The following BCAS4 variants were observed in gnomAD, a reference collection of about 807,000 sequenced individuals.
BCAS4 encodes the protein breast carcinoma-amplified sequence 4.
A neutral mutation model predicts 15.7 loss-of-function variants in BCAS4; 9 were observed. That is an observed-to-expected ratio of 0.57 (90% confidence interval 0.34 to 1.00). BCAS4 has a LOEUF of 1.00. Among genes scored for constraint, BCAS4 ranks in the 50% least tolerant of loss-of-function variants. The pLI is 0.02. For synonymous variants in BCAS4, 101 were observed against 99.5 expected (o/e 1.02, Z -0.09); for missense variants, 225 against 239.1 (o/e 0.94, Z 0.39).
At chr20:50,875,601 C>G (rs1265915538) in intron 4 of BCAS4, among the ~76,000 whole-genome samples, 1 of 79,282 alleles carries the variant, frequency 1.3e-5, no homozygotes, top group East Asian at 3.8e-4. Context: ...CTCATCTCTA[C>G]TAAAAAAAAA....
At chr20:50,837,750 G>C (rs1006137756) in intron 3 of BCAS4, among the ~76,000 whole-genome samples, 1 of 152,238 alleles carries the variant, frequency 6.6e-6, no homozygotes, top group Non-Finnish European at 1.5e-5. Context: ...AGGCATTTTG[G>C]AGACAGTTCA....
At chr20:50,868,796 C>T (rs958108502) in intron 4 of BCAS4, among the ~76,000 whole-genome samples, 5 of 152,182 alleles carry the variant, frequency 3.3e-5, no homozygotes, top group African/African-American at 9.7e-5. Context: ...ACCTGGGTGA[C>T]TCACTATTAA....
At chr20:50,806,699 T>C (rs1228840016) in intron 1 of BCAS4, among the ~76,000 whole-genome samples, 4 of 151,740 alleles carry the variant, frequency 2.6e-5, no homozygotes, top group Non-Finnish European at 4.4e-5. Context: ...AATTTTATTA[T>C]TATTATTTTT....
rs150985491 is a variant in BCAS4, at chr20:50,848,939, C to T, written c.399+7039C>T. ...CTAGAGGGGGCAGCCATCAGCCCAG[C>T]GCCTGCTTGCGGAGGGCCCCTCACA... On this transcript the variant is annotated intron_variant, in intron 4 of 4. Coordinates refer to ENST00000371608, the MANE Select transcript of BCAS4 (RefSeq NM_198799.4). 1.4e-4 allele frequency among the ~76,000 whole-genome samples: 21 copies of T among 152,386 alleles called. No individual in the cohort carries two copies. In the South Asian group the frequency reaches 2.5e-3, roughly 18 times the overall value.
intron 1 of BCAS4, among the ~76,000 whole-genome samples, chr20:50,800,658 T>C (rs2123744811): frequency 6.8e-6 from 1 of 148,018 alleles, no homozygotes; most frequent in South Asian, 2.1e-4. Flanking sequence ...GCCTCCTGGG[T>C]TCAAGCGATT....
At chr20:50,853,846 A>G (rs1237165944) in intron 4 of BCAS4, among the ~76,000 whole-genome samples, 1 of 118,326 alleles carries the variant, frequency 8.5e-6, no homozygotes, top group African/African-American at 3.9e-5. Context: ...TGTTTTGTGC[A>G]CTGTAGATGT....
chr20:50,843,865 C>T (rs149642216), intron 4 of BCAS4, among the ~76,000 whole-genome samples: 101 of 152,286 alleles, frequency 6.6e-4, no homozygotes, highest in Non-Finnish European at 1.1e-3. Flanking sequence ...CATTTGGGGC[C>T]GGGCACGGTG....
chr20:50,799,102 C>T (rs1435515188), intron 1 of BCAS4, among the ~76,000 whole-genome samples: 2 of 152,182 alleles, frequency 1.3e-5, no homozygotes, highest in African/African-American at 4.8e-5. Flanking sequence ...CTGCCTTTAG[C>T]ATCCTGAGTG....
intron 1 of BCAS4, among the ~76,000 whole-genome samples, chr20:50,813,788 C>T (rs536849935): frequency 6.0e-5 from 8 of 133,692 alleles, no homozygotes; most frequent in East Asian, 4.4e-4. Flanking sequence ...TTGTGAGAAG[C>T]GGGGATGTGG....
chr20:50,812,596 C>T (rs1213257855), intron 1 of BCAS4, among the ~76,000 whole-genome samples: 2 of 151,950 alleles, frequency 1.3e-5, no homozygotes, highest in South Asian at 2.1e-4. Context: ...TGTGCCACTA[C>T]GTCCAGCTCA....
chr20:50,870,512 G>A (rs1979583180), intron 4 of BCAS4, among the ~76,000 whole-genome samples: 1 of 152,242 alleles, frequency 6.6e-6, no homozygotes, highest in African/African-American at 2.4e-5. Flanking sequence ...TGGGTGTTGC[G>A]GATTGCCGGG....
At chr20:50,865,558 C>T (rs985268638) in intron 4 of BCAS4, among the ~76,000 whole-genome samples, 4 of 152,166 alleles carry the variant, frequency 2.6e-5, no homozygotes, top group African/African-American at 4.8e-5. Flanking sequence ...AGAGCTGCCC[C>T]CTAGGGTCAG....
chr20:50,825,384 A>G (rs1308715856), intron 2 of BCAS4, among the ~76,000 whole-genome samples: 2 of 152,130 alleles, frequency 1.3e-5, no homozygotes, highest in African/African-American at 4.8e-5. Context: ...ACCTGGCCCT[A>G]AAGTTTCTTT....
intron 3 of BCAS4, among the ~76,000 whole-genome samples, chr20:50,833,634 T>G (rs2088371334): frequency 6.6e-6 from 1 of 152,234 alleles, no homozygotes; most frequent in Admixed American, 6.5e-5. Context: ...CTAGTGCTGC[T>G]GCCTCCTAGT....
At chr20:50,795,754 C>T (rs1406713240) in intron 1 of BCAS4, among the ~76,000 whole-genome samples, 1 of 152,232 alleles carries the variant, frequency 6.6e-6, no homozygotes, top group Non-Finnish European at 1.5e-5. Flanking sequence ...AACCCATTCT[C>T]TTTTTAAACC....
chr20:50,876,598 G>C lies in BCAS4; in HGVS notation c.512G>C (p.Arg171Pro), dbSNP rs140838804. ...CAGCACCACCCCCGCACCTGCCCTCGGCCTTTGTGAGCTTTGTGGTCTTCC... is the reference window on the plus strand; with the variant it reads ...CAGCACCACCCCCGCACCTGCCCTCCGCCTTTGTGAGCTTTGTGGTCTTCC... Reference protein sequence around the residue: ...EAQHHPRTCPRPL With the variant: ...EAQHHPRTCPPPL The change falls in exon 5 of 5, where the codon CGG (arginine) becomes CCG (proline). Residue 171 changes from arginine to proline, a missense_variant. Transcript: ENST00000371608. 5.0e-6 allele frequency: 8 copies of C among 1,613,800 alleles called. No individual in the cohort carries two copies. The highest frequency in any genetic ancestry group is 3.3e-4 in the Middle Eastern group (2 of 6,084).
At chr20:50,876,098 G>A (rs111988132) in intron 4 of BCAS4, 35 of 443,904 alleles carry the variant, frequency 7.9e-5, no homozygotes, top group East Asian at 4.2e-4. Flanking sequence ...TTACAGGTGC[G>A]CGCTACCATG....
chr20:50,873,198 A>G (rs1234477779), intron 4 of BCAS4, among the ~76,000 whole-genome samples: 1 of 152,162 alleles, frequency 6.6e-6, no homozygotes, highest in Non-Finnish European at 1.5e-5. Context: ...GCTTCTTCAT[A>G]ATGATATTGA....
At chr20:50,819,515 G>A (rs2088187122) in intron 2 of BCAS4, among the ~76,000 whole-genome samples, 1 of 152,202 alleles carries the variant, frequency 6.6e-6, no homozygotes, top group South Asian at 2.1e-4. Flanking sequence ...AGCAGCCCCA[G>A]ATGTTCATTG....
Sources: allele counts gnomAD v4.1 joint callset (sites outside exome capture counted in the v4.1 genomes callset), GRCh38; gene constraint gnomAD v4.1.1; transcripts MANE v1.5; gene names NCBI Gene and HGNC (gene_info 2026-07-23, HGNC 2026-07-21).